Variants in GABRG3 observed in about 807,000 individuals in gnomAD.
GABRG3 encodes the protein gamma-aminobutyric acid receptor subunit gamma-3.
Under a neutral mutation model 48.8 loss-of-function variants are expected in GABRG3, and 25 were observed. The observed-to-expected ratio is 0.51, with a 90% CI of 0.37 to 0.72. The LOEUF is 0.72. Among genes scored for constraint, GABRG3 ranks in the 30% least tolerant of loss-of-function variants. The pLI is 0.00. For synonymous variants in GABRG3, 227 were observed against 217.6 expected (o/e 1.04, Z -0.38); for missense variants, 394 against 577.9 (o/e 0.68, Z 3.26).
intron 3 of GABRG3, among the ~76,000 whole-genome samples, chr15:27,291,082 T>C (rs1180767426): frequency 6.6e-6 from 1 of 152,210 alleles, no homozygotes; most frequent in Admixed American, 6.5e-5. Context: ...GAAGTGCTCA[T>C]ATTTTCTTGT....
chr15:27,269,744 C>T (rs544214298), intron 3 of GABRG3, among the ~76,000 whole-genome samples: 7 of 152,134 alleles, frequency 4.6e-5, no homozygotes, highest in Admixed American at 2.0e-4. Context: ...AGCTTGAAAT[C>T]GGCCTGAGGA....
chr15:27,208,182 C>G (rs1157307012), intron 3 of GABRG3: 1 of 160,894 alleles, frequency 6.2e-6, no homozygotes, highest in Non-Finnish European at 1.4e-5. Flanking sequence ...AGTTCTGCCT[C>G]ATGATACTCA....
chr15:27,173,991 G>A (rs1299309570), intron 3 of GABRG3, among the ~76,000 whole-genome samples: 1 of 152,068 alleles, frequency 6.6e-6, no homozygotes, highest in Non-Finnish European at 1.5e-5. Flanking sequence ...AGATGTTTTT[G>A]CACCTTTTGA....
At chr15:27,055,074 T>TG (rs1426578517) in intron 3 of GABRG3, among the ~76,000 whole-genome samples, 1 of 148,910 alleles carries the variant, frequency 6.7e-6, no homozygotes, top group Non-Finnish European at 1.5e-5. Context: ...TAAAGGATTG[T>TG]GAAAAACAGC....
intron 3 of GABRG3, among the ~76,000 whole-genome samples, chr15:27,072,118 T>G (rs957235262): frequency 6.6e-6 from 1 of 152,226 alleles, no homozygotes; most frequent in Non-Finnish European, 1.5e-5. Context: ...AATCATGCTT[T>G]CGTAATGACA....
chr15:27,300,696 AAC>A (rs1892175101), intron 3 of GABRG3, among the ~76,000 whole-genome samples: 1 of 130,638 alleles, frequency 7.7e-6, no homozygotes, highest in Admixed American at 7.7e-5. Flanking sequence ...AAAAAAAAAA[AAC>A]ACCTGGATTA....
intron 3 of GABRG3, among the ~76,000 whole-genome samples, chr15:27,048,170 T>G (rs1290306424): frequency 6.6e-6 from 1 of 152,134 alleles, no homozygotes; most frequent in Non-Finnish European, 1.5e-5. Context: ...GCCAGAGGAC[T>G]GCACCCCACT....
intron 5 of GABRG3, among the ~76,000 whole-genome samples, chr15:27,388,391 A>T (rs1329386403): frequency 2.0e-4 from 27 of 133,220 alleles, no homozygotes; most frequent in African/African-American, 6.1e-4. Flanking sequence ...GAAGGAAAGG[A>T]GGGAGGGAGG....
chr15:27,349,866 C>G (rs1021273995), intron 5 of GABRG3, among the ~76,000 whole-genome samples: 12 of 151,754 alleles, frequency 7.9e-5, no homozygotes, highest in Admixed American at 6.6e-4. Flanking sequence ...CTTTCTGGCT[C>G]TCTATAAAGT....
chr15:27,336,198 GAAAGAA>G (rs1166862561), intron 5 of GABRG3, among the ~76,000 whole-genome samples: 1,737 of 129,914 alleles, frequency 0.013, 38 homozygotes, highest in African/African-American at 0.05. Flanking sequence ...TGAAAAGAAA[GAAAGAA>G]AGAAAGAGAG....
chr15:27,200,900 C>T (rs967714561), intron 3 of GABRG3, among the ~76,000 whole-genome samples: 1 of 152,130 alleles, frequency 6.6e-6, no homozygotes. Context: ...GCTGCCTGCC[C>T]TCCTGGCTGC....
intron 2 of GABRG3, among the ~76,000 whole-genome samples, chr15:27,008,068 A>G (rs1404404022): frequency 3.3e-5 from 5 of 152,232 alleles, no homozygotes; most frequent in Non-Finnish European, 5.9e-5. Flanking sequence ...TACATATGAC[A>G]GGTAACTGGT....
intron 3 of GABRG3, among the ~76,000 whole-genome samples, chr15:27,258,359 C>A (rs993302574): frequency 1.3e-5 from 2 of 152,198 alleles, no homozygotes; most frequent in Non-Finnish European, 2.9e-5. Context: ...CCTCTAGTTT[C>A]CAGGTTCACC....
At position 27,069,470 on chromosome 15, in the gene GABRG3, G is replaced by C. The variant is rs542347071; in HGVS notation, c.270+42649G>C. Among the ~76,000 whole-genome samples the C allele has an allele frequency of 2.6e-5, 4 of 152,182 alleles. No homozygotes were observed. In the South Asian group the frequency reaches 8.3e-4, roughly 31 times the overall value. Reference sequence around the variant, plus strand: ...CTTCTACGGTTCTACCGTGTATCAGGTAACTGTACACTGTCAGAGAGACTC... The same window carrying C: ...CTTCTACGGTTCTACCGTGTATCAGCTAACTGTACACTGTCAGAGAGACTC... On this transcript the variant is annotated intron_variant, in intron 3 of 9. Coordinates refer to ENST00000615808, the MANE Select transcript of GABRG3 (RefSeq NM_033223.5).
At chr15:27,407,149 A>G (rs945409378) in intron 5 of GABRG3, among the ~76,000 whole-genome samples, 5 of 151,796 alleles carry the variant, frequency 3.3e-5, no homozygotes, top group Non-Finnish European at 5.9e-5. Flanking sequence ...CTGGTCTTGA[A>G]CTCCAGCCTC....
chr15:27,378,440 C>A (rs1595714410), intron 5 of GABRG3, among the ~76,000 whole-genome samples: 1 of 152,052 alleles, frequency 6.6e-6, no homozygotes, highest in East Asian at 1.9e-4. Context: ...TTAGAGTGGG[C>A]AATGGTGAAT....
chr15:27,479,013 C>T (rs1363002166), intron 5 of GABRG3, among the ~76,000 whole-genome samples: 1 of 150,434 alleles, frequency 6.6e-6, no homozygotes, highest in Non-Finnish European at 1.5e-5. Flanking sequence ...TGGATGTGGG[C>T]AGGAAAGGGG....
intron 2 of GABRG3, among the ~76,000 whole-genome samples, chr15:27,014,951 G>A (rs1251730617): frequency 1.3e-5 from 2 of 152,138 alleles, no homozygotes; most frequent in African/African-American, 2.4e-5. Context: ...GAACTCTAAC[G>A]TTAGGTGTAT....
chr15:27,512,327 A>G (rs1209032608), intron 6 of GABRG3, among the ~76,000 whole-genome samples: 1 of 152,134 alleles, frequency 6.6e-6, no homozygotes. Flanking sequence ...ATGCATTTTT[A>G]TGGAGTAAAT....
Sources: allele counts gnomAD v4.1 joint callset (sites outside exome capture counted in the v4.1 genomes callset), GRCh38; gene constraint gnomAD v4.1.1; transcripts MANE v1.5; gene names NCBI Gene and HGNC (gene_info 2026-07-23, HGNC 2026-07-21).